The following SLC6A11 variants were observed in gnomAD, a reference collection of about 807,000 sequenced individuals.
SLC6A11 encodes sodium- and chloride-dependent GABA transporter 3.
A neutral mutation model predicts 74.8 loss-of-function variants in SLC6A11; 25 were observed. The observed-to-expected ratio is 0.33, with a 90% CI of 0.24 to 0.47. The LOEUF is 0.47. Among genes scored for constraint, SLC6A11 ranks in the 20% least tolerant of loss-of-function variants. The pLI, the probability that SLC6A11 is intolerant of heterozygous loss-of-function variation, is 1.00. For missense variants in SLC6A11, 574 were observed against 837.0 expected, an observed-to-expected ratio of 0.69 and a Z score of 3.88; for synonymous variants, 330 against 330.2, an observed-to-expected ratio of 1.00 and a Z score of 0.01.
intron 13 of SLC6A11, 22 bp from the exon 14 acceptor site, chr3:10,938,228 C>T: frequency 6.4e-7 from 1 of 1,573,804 alleles, no homozygotes; most frequent in Non-Finnish European, 8.7e-7. Context: ...CTCAGATCTT[C>T]CCCTCCTCTC....
chr3:10,938,560 A>C lies in SLC6A11; in HGVS notation c.*158A>C. On this transcript the variant is annotated 3_prime_UTR_variant, in exon 14 of 14. Transcript: ENST00000254488. ...AAGGTGGCCACTGTACACTGCTCTA[A>C]AGTCATATCCCCTCCCCGCCCCCAG... 2 of 632,816 alleles carry C rather than the reference A, an allele frequency of 3.2e-6. No homozygotes were observed. The highest frequency in any genetic ancestry group is 5.1e-6 in the Non-Finnish European group (2 of 389,706). The allele number at this position is 632,816 out of a possible 1,614,324, so 39.2% of individuals were successfully genotyped here. A position where few individuals can be genotyped will look rare whatever the true frequency, so the allele number is the denominator to read the frequency against.
chr3:10,873,399 G>GCTATC lies in SLC6A11; in HGVS notation c.757-1512_757-1508dup, dbSNP rs1376789414. On this transcript the variant is annotated intron_variant, in intron 5 of 13. Transcript: ENST00000254488. ...CCTTCATTATTGTATCCTATCCTATGCTATCCTATCCTATCCTATCCTATC... is the reference window on the plus strand; with the variant it reads ...CCTTCATTATTGTATCCTATCCTATGCTATCCTATCCTATCCTATCCTATCCTATC... 2.7e-3 allele frequency among the ~76,000 whole-genome samples: 245 copies of GCTATC among 90,702 alleles called. 6 individuals carry two copies. The highest frequency in any genetic ancestry group is 0.011 in the African/African-American group (199 of 18,616). 59.5% of individuals were successfully genotyped at this position (90,702 alleles called of 152,430 possible).
intron 6 of SLC6A11, among the ~76,000 whole-genome samples, chr3:10,903,431 C>T (rs551981226): frequency 6.6e-6 from 1 of 152,196 alleles, no homozygotes; most frequent in Non-Finnish European, 1.5e-5. Flanking sequence ...TACCCCTCCC[C>T]ACAAGTTGCT....
rs1167508994 is a variant in SLC6A11, at chr3:10,875,071, C to T, written c.867C>T (p.Asp289=). The T allele has an allele frequency of 1.2e-6, 2 of 1,611,744 alleles. No individual in the cohort carries two copies. Among genetic ancestry groups the T allele is most frequent in the Non-Finnish European group, 1.7e-6 (2 of 1,178,474 alleles). ...GCATCAAGTTCTACTTGTACCCTGACCTCTCCCGGCTCTCCGACCCCCAGG... is the reference window on the plus strand; with the variant it reads ...GCATCAAGTTCTACTTGTACCCTGATCTCTCCCGGCTCTCCGACCCCCAGG... ...SEGIKFYLYP[D]LSRLSDPQVW... Residue 289 remains aspartate, a synonymous_variant, in exon 6 of 14, where the codon GAC becomes GAT. Coordinates refer to ENST00000254488, the MANE Select transcript of SLC6A11 (RefSeq NM_014229.3).
intron 8 of SLC6A11, among the ~76,000 whole-genome samples, chr3:10,919,272 A>G (rs1273699617): frequency 6.6e-6 from 1 of 152,238 alleles, no homozygotes; most frequent in Non-Finnish European, 1.5e-5. Flanking sequence ...CCAGAAAATT[A>G]AGTGCATATG....
At chr3:10,861,425 G>A (rs568970010) in intron 5 of SLC6A11, among the ~76,000 whole-genome samples, 1 of 152,268 alleles carries the variant, frequency 6.6e-6, no homozygotes, top group East Asian at 1.9e-4. Flanking sequence ...GCTGAGGTGG[G>A]AGGATCACTT....
At chr3:10,937,504 G>A (rs974670933) in intron 13 of SLC6A11, among the ~76,000 whole-genome samples, 2 of 152,196 alleles carry the variant, frequency 1.3e-5, no homozygotes, top group African/African-American at 2.4e-5. Flanking sequence ...AACCTTCCTC[G>A]GGAAATGGTT....
intron 6 of SLC6A11, among the ~76,000 whole-genome samples, chr3:10,906,183 C>T (rs1285541681): frequency 6.6e-6 from 1 of 152,138 alleles, no homozygotes; most frequent in Admixed American, 6.5e-5. Flanking sequence ...CTCTCACCTC[C>T]AGCCAAGATC....
chr3:10,834,070 G>A (rs1161569994), intron 4 of SLC6A11, among the ~76,000 whole-genome samples: 2 of 152,222 alleles, frequency 1.3e-5, no homozygotes, highest in Admixed American at 1.3e-4. Context: ...CCACCCAGGG[G>A]ATAGATGATG....
Position 10,882,123 on chromosome 3 carries a change from G to A in SLC6A11, c.891+7028G>A, listed in dbSNP as rs140152632. ...GGTGGCCCCATTCGTCCTCCCTCCCGGCCAGTAAAGCCAGAAAGGGTGAAA... is the reference window on the plus strand; with the variant it reads ...GGTGGCCCCATTCGTCCTCCCTCCCAGCCAGTAAAGCCAGAAAGGGTGAAA... On this transcript the variant is annotated intron_variant, in intron 6 of 13. Coordinates refer to ENST00000254488, the MANE Select transcript of SLC6A11 (RefSeq NM_014229.3). 2.5e-3 allele frequency among the ~76,000 whole-genome samples: 381 copies of A among 152,206 alleles called. 1 individual carries two copies. The highest frequency in any genetic ancestry group is 4.6e-3 in the Non-Finnish European group (311 of 68,000).
At chr3:10,839,509 C>A (rs1294423305) in intron 4 of SLC6A11, among the ~76,000 whole-genome samples, 1 of 152,098 alleles carries the variant, frequency 6.6e-6, no homozygotes, top group African/African-American at 2.4e-5. Context: ...TTGGGTTGCT[C>A]CCCTGACTTT....
intron 6 of SLC6A11, among the ~76,000 whole-genome samples, chr3:10,904,513 C>T (rs1192419925): frequency 2.0e-5 from 3 of 152,206 alleles, no homozygotes; most frequent in African/African-American, 7.2e-5. Flanking sequence ...GGAGTGATCC[C>T]TTTCTCAGCT....
chr3:10,858,410 T>G, intron 5 of SLC6A11, among the ~76,000 whole-genome samples: 1 of 152,064 alleles, frequency 6.6e-6, no homozygotes, highest in East Asian at 1.9e-4. Flanking sequence ...GCAGGAGAGT[T>G]TTTTTGCTGT....
intron 4 of SLC6A11, among the ~76,000 whole-genome samples, chr3:10,830,388 G>A (rs1445062707): frequency 6.6e-6 from 1 of 152,180 alleles, no homozygotes; most frequent in Non-Finnish European, 1.5e-5. Context: ...GCAGGCAGGG[G>A]CCAGAGCATC....
At chr3:10,826,318 G>A (rs1382607449) in intron 4 of SLC6A11, among the ~76,000 whole-genome samples, 1 of 152,188 alleles carries the variant, frequency 6.6e-6, no homozygotes, top group Non-Finnish European at 1.5e-5. Flanking sequence ...GGAGACTTCT[G>A]GGCTGGGTGG....
chr3:10,865,907 T>G (rs900906534), intron 5 of SLC6A11, among the ~76,000 whole-genome samples: 2 of 152,236 alleles, frequency 1.3e-5, no homozygotes, highest in Non-Finnish European at 2.9e-5. Flanking sequence ...TCATTTGGGC[T>G]AGTGCCTCCA....
intron 5 of SLC6A11, among the ~76,000 whole-genome samples, chr3:10,873,790 A>G (rs1035241786): frequency 1.4e-5 from 2 of 145,098 alleles, no homozygotes; most frequent in African/African-American, 5.7e-5. Flanking sequence ...GTCCTATCCT[A>G]TCCTATCCTA....
intron 4 of SLC6A11, among the ~76,000 whole-genome samples, chr3:10,832,706 C>T (rs182091107): frequency 6.6e-6 from 1 of 152,294 alleles, no homozygotes; most frequent in East Asian, 1.9e-4. Flanking sequence ...CTATTACTCT[C>T]CTTTTTGTCC....
At chr3:10,857,888 C>A (rs1356712269) in intron 5 of SLC6A11, among the ~76,000 whole-genome samples, 1 of 152,174 alleles carries the variant, frequency 6.6e-6, no homozygotes, top group Non-Finnish European at 1.5e-5. Flanking sequence ...ATAAATAAAA[C>A]AGCATGTATT....
Sources: gnomAD v4.1 joint callset for allele counts (sites outside exome capture counted in the v4.1 genomes callset) on GRCh38, gnomAD v4.1.1 for gene constraint, MANE v1.5 for transcripts, NCBI Gene and HGNC (gene_info 2026-07-23, HGNC 2026-07-21) for gene names.